Variants in TBRG1 observed in about 807,000 individuals in gnomAD.
TBRG1 encodes the protein nuclear interactor of ARF and MDM2.
TBRG1 carries 31 observed loss-of-function variants against 44.0 expected under a neutral mutation model. The observed-to-expected ratio is 0.70, with a 90% confidence interval of 0.53 to 0.95. The LOEUF is 0.95. Ranked by LOEUF, TBRG1 falls within the 40% of genes least tolerant of loss-of-function variation. The probability of loss-of-function intolerance (pLI) is 0.00; values close to 1 mark genes in which losing one functional copy is unlikely to be tolerated. For missense variants in TBRG1, 487 were observed against 496.1 expected (o/e 0.98, Z 0.18); for synonymous variants, 171 against 188.1 (o/e 0.91, Z 0.74).
chr11:124,627,954 G>C (rs1018621281), intron 5 of TBRG1, among the ~76,000 whole-genome samples: 1 of 150,994 alleles, frequency 6.6e-6, no homozygotes, highest in Non-Finnish European at 1.5e-5. Context: ...AGAATCTGTG[G>C]AGTTTTTAAT....
At position 124,625,843 on chromosome 11, in the gene TBRG1, T is replaced by C; in HGVS notation, c.394T>C (p.Phe132Leu). The part of the protein sequence containing the change: ...SGPSTGAEEP[F>L]GKKTKKEKKE... Reference sequence around the variant, plus strand: ...GCCCAGCACTGGGGCTGAGGAACCATTTGGGAAGAAAACTAAGAAGGAGAA... The same window carrying C: ...GCCCAGCACTGGGGCTGAGGAACCACTTGGGAAGAAAACTAAGAAGGAGAA... Residue 132 changes from phenylalanine (F) to leucine (L), a missense_variant, in exon 3 of 9, where the codon TTT becomes CTT. Coordinates refer to ENST00000441174, the MANE Select transcript of TBRG1 (RefSeq NM_032811.3). 4 of 1,580,124 alleles carry C rather than the reference T, an allele frequency of 2.5e-6. No individual in the cohort carries two copies. Among genetic ancestry groups the C allele is most frequent in the Non-Finnish European group, 3.4e-6 (4 of 1,164,530 alleles).
chr11:124,623,026 C>T lies in TBRG1; in HGVS notation c.-58C>T. ...GACAAAGCCAGCGCTCCCGCCCGCT[C>T]CCCGACTTAGGATCCGATGCCGGCA... On this transcript the variant is annotated 5_prime_UTR_variant, in exon 1 of 9. Transcript: ENST00000441174. 2 of 1,476,846 alleles carry T rather than the reference C, an allele frequency of 1.4e-6. No homozygotes were observed. Among genetic ancestry groups the T allele is most frequent in the Non-Finnish European group, 1.8e-6 (2 of 1,115,412 alleles). 91.5% of individuals were successfully genotyped at this position (1,476,846 alleles called of 1,614,324 possible). A position where few individuals can be genotyped will look rare whatever the true frequency, so the allele number is the denominator to read the frequency against.
intron 1 of TBRG1, among the ~76,000 whole-genome samples, chr11:124,624,274 T>G (rs930283758): frequency 2.0e-5 from 3 of 148,610 alleles, no homozygotes; most frequent in Admixed American, 1.4e-4. Context: ...TTTTGAACAT[T>G]GAGAGTTTGA....
chr11:124,630,194 A>G (rs1942577429), intron 5 of TBRG1, 194 bp from the exon 6 acceptor site: 2 of 534,656 alleles, frequency 3.7e-6, no homozygotes, highest in East Asian at 6.7e-5. Flanking sequence ...TAGAACTGAA[A>G]CAGTCAAAGG....
intron 2 of TBRG1, 74 bp from the exon 3 acceptor site, chr11:124,625,597 C>T: frequency 7.3e-7 from 1 of 1,364,474 alleles, no homozygotes; most frequent in Non-Finnish European, 9.9e-7. Context: ...TGGCTTTTCC[C>T]AGTACTTGAG....
At position 124,625,016 on chromosome 11, in the gene TBRG1, T is replaced by C. The variant is rs1430691034; in HGVS notation, c.221+15T>C. 7 of 1,528,520 alleles carry C rather than the reference T, an allele frequency of 4.6e-6. No individual in the cohort carries two copies. The highest frequency in any genetic ancestry group is 1.4e-5 in the African/African-American group (1 of 72,360). 94.7% of individuals were successfully genotyped at this position (1,528,520 alleles called of 1,614,324 possible). A position where few individuals can be genotyped will look rare whatever the true frequency, so the allele number is the denominator to read the frequency against. On this transcript the variant is annotated intron_variant, in intron 2 of 8. Coordinates refer to ENST00000441174, the MANE Select transcript of TBRG1 (RefSeq NM_032811.3). ...GAAGAAAGAAGGTGAGCTGGCTTCA[T>C]TTTGTGTTCAGCATCACCTTTTTGG...
intron 5 of TBRG1, among the ~76,000 whole-genome samples, chr11:124,628,395 G>T (rs1324631607): frequency 1.3e-5 from 2 of 151,256 alleles, no homozygotes; most frequent in Non-Finnish European, 2.9e-5. Context: ...TATTAAAAAT[G>T]TAAACTCTTC....
Position 124,632,247 on chromosome 11 carries a change from G to A in TBRG1, c.*9G>A. The stretch of plus-strand genomic sequence containing the variant: ...TTCAGTCTTCAGATTGAACAAGAAG[G>A]GATCAGATGCCACATCGTTTTTGTC... On this transcript the variant is annotated 3_prime_UTR_variant, in exon 9 of 9. Coordinates refer to ENST00000441174, the MANE Select transcript of TBRG1 (RefSeq NM_032811.3). 1 of 1,607,740 alleles carries A rather than the reference G, an allele frequency of 6.2e-7. No homozygotes were observed. The highest frequency in any genetic ancestry group is 1.3e-5 in the African/African-American group (1 of 74,770).
chr11:124,631,454 CTG>C (rs1942608025), intron 8 of TBRG1, 37 bp downstream of exon 8: 4 of 1,607,256 alleles, frequency 2.5e-6, no homozygotes, highest in Admixed American at 1.7e-5. Context: ...TGAAAATTGA[CTG>C]TGTTTAGGCT....
At chr11:124,624,901 A>G in intron 1 of TBRG1, 30 bp from the exon 2 acceptor site, 2 of 1,375,808 alleles carry the variant, frequency 1.5e-6, no homozygotes, top group East Asian at 2.5e-5. Flanking sequence ...TATTCATTTT[A>G]TGTTATTATA....
In TBRG1 at chr11:124,630,855, A is replaced by G. The variant is rs749239012; in HGVS notation, c.947A>G (p.Asn316Ser). ...QSCPGARKCI[N>S]YQWVKFDVCK... Reference sequence around the variant, plus strand: ...TGTCCAGGAGCTCGAAAATGCATCAAGTAAGTGTGATCAAATTCATTCCCT... The same window carrying G: ...TGTCCAGGAGCTCGAAAATGCATCAGGTAAGTGTGATCAAATTCATTCCCT... Residue 316 changes from asparagine (N) to serine (S), a missense_variant and splice_region_variant, in exon 7 of 9, where the codon AAT becomes AGT. Transcript: ENST00000441174. The G allele has an allele frequency of 1.9e-6, 3 of 1,569,120 alleles. No individual in the cohort carries two copies. The highest frequency in any genetic ancestry group is 1.3e-5 in the African/African-American group (1 of 74,324).
At position 124,624,954 on chromosome 11, in the gene TBRG1, A is replaced by G. The variant is rs1942428063; in HGVS notation, c.174A>G (p.Glu58=). 1 of 1,548,358 alleles carries G rather than the reference A, an allele frequency of 6.5e-7. No homozygotes were observed. The highest frequency in any genetic ancestry group is 2.0e-5 in the Admixed American group (1 of 50,728). ...TVFENAAICD[E]IARLEEKFLK... Reference sequence around the variant, plus strand: ...AGGAAAATGCTGCTATTTGTGATGAAATTGCTCGTCTTGAGGAAAAATTTC... The same window carrying G: ...AGGAAAATGCTGCTATTTGTGATGAGATTGCTCGTCTTGAGGAAAAATTTC... The change falls in exon 2 of 9, where the codon GAA becomes GAG. Residue 58 remains glutamate, a synonymous_variant. Coordinates refer to ENST00000441174, the MANE Select transcript of TBRG1 (RefSeq NM_032811.3).
In TBRG1 at chr11:124,625,891, A is replaced by T; in HGVS notation, c.442A>T (p.Asn148Tyr). Residue 148 changes from asparagine (N) to tyrosine (Y), a missense_variant, in exon 3 of 9, where the codon AAC (asparagine) becomes TAC (tyrosine). Transcript: ENST00000441174. ...KEKKEKGKEN[N>Y]KLEVLKKTCK... ...GAAAAAAGAAAAAGGCAAAGAGAACAACAAACTGGAAGGTACTTTGGGGAG... is the reference window on the plus strand; with the variant it reads ...GAAAAAAGAAAAAGGCAAAGAGAACTACAAACTGGAAGGTACTTTGGGGAG... 1 of 1,577,342 alleles carries T rather than the reference A, an allele frequency of 6.3e-7. No homozygotes were observed. Among genetic ancestry groups the T allele is most frequent in the Non-Finnish European group, 8.6e-7 (1 of 1,164,226 alleles).
At position 124,634,000 on chromosome 11, in the gene TBRG1, T is replaced by C. The variant is rs1248306857; in HGVS notation, c.*1762T>C. On this transcript the variant is annotated 3_prime_UTR_variant, in exon 9 of 9. Transcript: ENST00000441174. Reference sequence around the variant, plus strand: ...TGTGTACGTATACCACATATACATATACTTGTATGAAGATATGTGTAAAAT... The same window carrying C: ...TGTGTACGTATACCACATATACATACACTTGTATGAAGATATGTGTAAAAT... The C allele has an allele frequency of 3.3e-5, 5 of 152,270 alleles. No homozygotes were observed. The highest frequency in any genetic ancestry group is 1.2e-4 in the African/African-American group (5 of 41,476). The allele number at this position is 152,270 out of a possible 1,614,324, so 9.4% of individuals were successfully genotyped here.
chr11:124,623,074 G>A lies in TBRG1; in HGVS notation c.-10G>A, dbSNP rs1230763963. On this transcript the variant is annotated 5_prime_UTR_variant, in exon 1 of 9. Coordinates refer to ENST00000441174, the MANE Select transcript of TBRG1 (RefSeq NM_032811.3). ...GCAGCGTCCTGGGGCCCCCGTAGCG[G>A]GGCTGGACCATGAGCCTGCTGGACG... is the stretch of plus-strand genomic sequence containing the variant. 6 of 1,544,142 alleles carry A rather than the reference G, an allele frequency of 3.9e-6. No homozygotes were observed. The Admixed American group carries it at 7.9e-5, about 20-fold the overall frequency.
Position 124,632,042 on chromosome 11 carries a change from T to C in TBRG1, c.1091-51T>C. 4 of 1,578,442 alleles carry C rather than the reference T, an allele frequency of 2.5e-6. No individual in the cohort carries two copies. The East Asian group carries it at 8.9e-5, about 35-fold the overall frequency. ...ACATGTATATGTCTGACCAAAACAG[T>C]CTGCCCAGACTCCCGAGCAGCAGTG... On this transcript the variant is annotated intron_variant, in intron 8 of 8. Coordinates refer to ENST00000441174, the MANE Select transcript of TBRG1 (RefSeq NM_032811.3).
At chr11:124,623,509 A>G (rs956124073) in intron 1 of TBRG1, 8 of 501,198 alleles carry the variant, frequency 1.6e-5, no homozygotes, top group Non-Finnish European at 2.3e-5. Flanking sequence ...AATTTTAGTC[A>G]TCGTTGTTAC....
Position 124,623,100 on chromosome 11 carries a change from G to T in TBRG1, c.17G>T (p.Gly6Val). The T allele has an allele frequency of 6.5e-7, 1 of 1,550,244 alleles. No homozygotes were observed. Among genetic ancestry groups the T allele is most frequent in the Non-Finnish European group, 8.7e-7 (1 of 1,146,616 alleles). ...GGCTGGACCATGAGCCTGCTGGACG[G>T]CCTCGCTTCCTCGCCGCGGGCTCCG... MSLLDGLASSPRAPLQ... is the reference protein window; with the variant it reads MSLLDVLASSPRAPLQ... Residue 6 changes from glycine (G) to valine (V), a missense_variant, in exon 1 of 9, where the codon GGC becomes GTC. Coordinates refer to ENST00000441174, the MANE Select transcript of TBRG1 (RefSeq NM_032811.3).
At chr11:124,626,091 C>G (rs1047241588) in intron 3 of TBRG1, among the ~76,000 whole-genome samples, 188 bp downstream of exon 3, 1 of 152,264 alleles carries the variant, frequency 6.6e-6, no homozygotes, top group South Asian at 2.1e-4. Context: ...TGGAGAAATT[C>G]GAGCTAGACT....
Sources: allele counts gnomAD v4.1 joint callset (sites outside exome capture counted in the v4.1 genomes callset), GRCh38; gene constraint gnomAD v4.1.1; transcripts MANE v1.5; gene names NCBI Gene and HGNC (gene_info 2026-07-23, HGNC 2026-07-21).